Variants in VGLL1 observed in about 807,000 individuals in gnomAD.
VGLL1 encodes the protein transcription cofactor vestigial-like protein 1.
Under a neutral mutation model 12.0 loss-of-function variants are expected in VGLL1, and 4 were observed. The ratio of observed to expected loss-of-function variants is 0.33; its 90% CI spans 0.16 to 0.76. VGLL1 has a LOEUF of 0.76. VGLL1 is among the 30% of genes least tolerant of loss of function. The pLI, the probability that VGLL1 is intolerant of heterozygous loss-of-function variation, is 0.60. For synonymous variants in VGLL1, 87 were observed against 81.2 expected (o/e 1.07, Z -0.39); for missense variants, 204 against 208.7 (o/e 0.98, Z 0.14).
At chrX:136,540,440 C>A (rs759299330) in intron 2 of VGLL1, among the ~76,000 whole-genome samples, 10 of 111,500 alleles carry the variant, frequency 9.0e-5, no homozygotes, top group Non-Finnish European at 1.9e-4. Context: ...TCCCCAGATA[C>A]CTGCATGGCG....
chrX:136,545,418 C>A (rs1285818416), intron 2 of VGLL1, among the ~76,000 whole-genome samples: 2 of 111,908 alleles, frequency 1.8e-5, no homozygotes, highest in Non-Finnish European at 1.9e-5. Flanking sequence ...ATGTGCTAGG[C>A]ACTGTGCAAG....
chrX:136,544,393 A>C (rs2075864302), intron 2 of VGLL1, among the ~76,000 whole-genome samples: 1 of 112,464 alleles, frequency 8.9e-6, no homozygotes, highest in African/African-American at 3.2e-5. Context: ...ATTTACCGAC[A>C]AATTTCTTCC....
At chrX:136,535,551 G>C (rs776087131) in intron 1 of VGLL1, among the ~76,000 whole-genome samples, 2 of 111,030 alleles carry the variant, frequency 1.8e-5, no homozygotes, top group Non-Finnish European at 3.8e-5. Flanking sequence ...GCCTACTATT[G>C]AAATTGTCAA....
intron 2 of VGLL1, 90 bp from the exon 3 acceptor site, chrX:136,548,498 TA>T (rs753971597): frequency 2.0e-4 from 187 of 915,783 alleles, no homozygotes; most frequent in South Asian, 2.7e-4. Context: ...TCCTTCAAGT[TA>T]AAAAAAATAG....
At chrX:136,541,738 C>T (rs1226267876) in intron 2 of VGLL1, among the ~76,000 whole-genome samples, 2 of 112,311 alleles carry the variant, frequency 1.8e-5, no homozygotes, top group Non-Finnish European at 3.8e-5. Flanking sequence ...ATTCTAAGGG[C>T]TCTCTGTTGA....
At chrX:136,540,380 C>T (rs1180340655) in intron 2 of VGLL1, among the ~76,000 whole-genome samples, 1 of 111,213 alleles carries the variant, frequency 9.0e-6, no homozygotes, top group Non-Finnish European at 1.9e-5. Flanking sequence ...GACAATCCTG[C>T]CTCAGGCCTG....
intron 1 of VGLL1, 149 bp downstream of exon 1, chrX:136,532,445 C>A (rs897986973): frequency 9.0e-6 from 1 of 111,567 alleles, no homozygotes; most frequent in Non-Finnish European, 1.9e-5. Context: ...ACAAACTAAC[C>A]CCTCTGACTT....
chrX:136,549,806 T>C (rs951600860), intron 3 of VGLL1, among the ~76,000 whole-genome samples: 1 of 111,850 alleles, frequency 8.9e-6, no homozygotes, highest in Non-Finnish European at 1.9e-5. Context: ...ACCTACTCTG[T>C]TGCAAGATTT....
At chrX:136,543,924 T>C (rs1211584537) in intron 2 of VGLL1, among the ~76,000 whole-genome samples, 1 of 112,345 alleles carries the variant, frequency 8.9e-6, no homozygotes, top group Non-Finnish European at 1.9e-5. Context: ...AAGTGGTTTC[T>C]TACGTTTTTG....
At chrX:136,550,890 T>C (rs1488722881) in intron 4 of VGLL1, 69 bp downstream of exon 4, 8 of 991,736 alleles carry the variant, frequency 8.1e-6, no homozygotes, top group Non-Finnish European at 1.1e-5. Flanking sequence ...AAATAAGGCT[T>C]CTGTCTACTA....
intron 2 of VGLL1, among the ~76,000 whole-genome samples, chrX:136,547,807 C>T (rs937236105): frequency 9.0e-6 from 1 of 111,644 alleles, no homozygotes; most frequent in East Asian, 2.8e-4. Flanking sequence ...TGGTTGGATC[C>T]GGGAGCAAAG....
At chrX:136,543,462 T>C (rs1364139902) in intron 2 of VGLL1, among the ~76,000 whole-genome samples, 2 of 111,827 alleles carry the variant, frequency 1.8e-5, no homozygotes, top group African/African-American at 6.5e-5. Context: ...TTCAGAGGGT[T>C]CTTGATTTCA....
intron 2 of VGLL1, among the ~76,000 whole-genome samples, chrX:136,539,106 A>G (rs972804796): frequency 7.1e-5 from 8 of 111,986 alleles, no homozygotes; most frequent in African/African-American, 2.6e-4. Context: ...TACACAGACA[A>G]GTATACTGAC....
chrX:136,552,714 G>C (rs2075889816), intron 4 of VGLL1, among the ~76,000 whole-genome samples: 1 of 112,136 alleles, frequency 8.9e-6, no homozygotes, highest in Non-Finnish European at 1.9e-5. Flanking sequence ...TCTCAAAAAG[G>C]TGAAAGGACT....
chrX:136,543,409 T>G (rs1043607122), intron 2 of VGLL1, among the ~76,000 whole-genome samples: 3 of 111,903 alleles, frequency 2.7e-5, no homozygotes, highest in Non-Finnish European at 5.6e-5. Flanking sequence ...GTGCAGATCA[T>G]GCAGGCCAAG....
At chrX:136,537,731 ATT>A (rs758312135) in intron 2 of VGLL1, among the ~76,000 whole-genome samples, 1 of 100,298 alleles carries the variant, frequency 1.0e-5, no homozygotes, top group Non-Finnish European at 2.0e-5. Flanking sequence ...AGCTAATTTA[ATT>A]TTTTTTTTTT....
rs958693659 is a variant in VGLL1, at chrX:136,548,987, C to G, written c.613C>G (p.Leu205Val). The G allele has an allele frequency of 4.1e-6, 5 of 1,209,814 alleles. No individual in the cohort carries two copies. Among genetic ancestry groups the G allele is most frequent in the Non-Finnish European group, 5.6e-6 (5 of 894,229 alleles). ...IAGSTGLLFN[L>V]PPGSVHYKKL... ...TGGAAGCACAGGGTTGCTCTTCAACCTGCCTCCCGGCTCAGTTCACTGTAA... is the reference window on the plus strand; with the variant it reads ...TGGAAGCACAGGGTTGCTCTTCAACGTGCCTCCCGGCTCAGTTCACTGTAA... The change falls in exon 3 of 5, where the codon CTG becomes GTG. Residue 205 changes from leucine to valine, a missense_variant. Coordinates refer to ENST00000370634, the MANE Select transcript of VGLL1 (RefSeq NM_016267.4).
intron 1 of VGLL1, among the ~76,000 whole-genome samples, chrX:136,532,639 TTCTTTCTTTC>T (rs2075827613): frequency 1.0e-5 from 1 of 97,772 alleles, no homozygotes; most frequent in South Asian, 4.6e-4. Context: ...CTTTCTTTCT[TTCTTTCTTTC>T]TTTCTTTCTT....
chrX:136,543,500 C>A (rs2075861761), intron 2 of VGLL1, among the ~76,000 whole-genome samples: 1 of 111,373 alleles, frequency 9.0e-6, no homozygotes, highest in African/African-American at 3.3e-5. Context: ...GATTTGTAGG[C>A]CAGGCATGGT....
Sources: gnomAD v4.1 joint callset for allele counts (sites outside exome capture counted in the v4.1 genomes callset) on GRCh38, gnomAD v4.1.1 for gene constraint, MANE v1.5 for transcripts, NCBI Gene and HGNC (gene_info 2026-07-23, HGNC 2026-07-21) for gene names.